CDC42BPA: variants seen among roughly 807,000 people sequenced by gnomAD.
CDC42BPA encodes serine/threonine-protein kinase MRCK alpha.
In CDC42BPA, 80 loss-of-function variants were observed where a neutral mutation model predicts 223.5. That is an observed-to-expected ratio of 0.36 (90% CI 0.30 to 0.43). CDC42BPA has a LOEUF of 0.43. Among genes scored for constraint, CDC42BPA ranks in the 20% least tolerant of loss-of-function variants. CDC42BPA has a pLI of 1.00. For synonymous variants in CDC42BPA, 694 were observed against 718.6 expected (o/e 0.97, Z 0.55); for missense variants, 1,743 against 2,099.9 (o/e 0.83, Z 3.32).
At chr1:227,010,501 T>C (rs549801409) in intron 34 of CDC42BPA, among the ~76,000 whole-genome samples, 4 of 152,358 alleles carry the variant, frequency 2.6e-5, no homozygotes, top group East Asian at 1.9e-4. Context: ...GAACTGGTTA[T>C]AGGGTAAGGA....
chr1:227,213,954 A>C (rs1423120146), intron 2 of CDC42BPA, among the ~76,000 whole-genome samples: 8 of 152,154 alleles, frequency 5.3e-5, no homozygotes, highest in East Asian at 1.9e-4. Context: ...TTACATTTCT[A>C]TCTCTCTGCT....
intron 2 of CDC42BPA, among the ~76,000 whole-genome samples, chr1:227,215,746 A>T (rs1674708079): frequency 6.7e-6 from 1 of 149,108 alleles, no homozygotes; most frequent in Non-Finnish European, 1.5e-5. Context: ...TATAACTCTC[A>T]ATTTCTTCAG....
chr1:227,141,943 C>G (rs921361983), intron 9 of CDC42BPA, among the ~76,000 whole-genome samples: 1 of 151,972 alleles, frequency 6.6e-6, no homozygotes, highest in Non-Finnish European at 1.5e-5. Context: ...CATTCCAGCC[C>G]TTCTGCTGCC....
At chr1:227,310,533 A>T (rs2148815396) in intron 1 of CDC42BPA, among the ~76,000 whole-genome samples, 1 of 152,326 alleles carries the variant, frequency 6.6e-6, no homozygotes, top group Admixed American at 6.5e-5. Context: ...ATAGAAGATT[A>T]GCCATTCCCT....
intron 2 of CDC42BPA, among the ~76,000 whole-genome samples, chr1:227,245,284 C>CTTTTTTTT (rs759666049): frequency 0.011 from 860 of 81,696 alleles, 54 homozygotes; most frequent in East Asian, 0.07. Context: ...TGTCTTGCAT[C>CTTTTTTTT]TTTTTTTTTT....
chr1:227,215,860 C>T (rs1674730400), intron 2 of CDC42BPA, among the ~76,000 whole-genome samples: 1 of 152,040 alleles, frequency 6.6e-6, no homozygotes, highest in South Asian at 2.1e-4. Flanking sequence ...GATAGAAATA[C>T]CCTCAACTGA....
At chr1:227,041,457 A>G (rs1248544523) in intron 23 of CDC42BPA, among the ~76,000 whole-genome samples, 1 of 152,216 alleles carries the variant, frequency 6.6e-6, no homozygotes, top group Middle Eastern at 3.2e-3. Flanking sequence ...AATTATGAAT[A>G]CTGATTTTAA....
chr1:227,046,447 CTT>C (rs1337403233), intron 23 of CDC42BPA, among the ~76,000 whole-genome samples: 1 of 152,120 alleles, frequency 6.6e-6, no homozygotes, highest in Non-Finnish European at 1.5e-5. Context: ...AGTACATGGA[CTT>C]TTGCCAAATC....
intron 16 of CDC42BPA, among the ~76,000 whole-genome samples, chr1:227,091,050 T>C (rs1250491474): frequency 3.9e-5 from 6 of 152,200 alleles, no homozygotes; most frequent in Non-Finnish European, 7.4e-5. Flanking sequence ...CACCTACCCC[T>C]GGTATCATTT....
chr1:227,005,777 T>A (rs1663899329), intron 34 of CDC42BPA, among the ~76,000 whole-genome samples: 1 of 152,204 alleles, frequency 6.6e-6, no homozygotes, highest in African/African-American at 2.4e-5. Context: ...TACATTTACT[T>A]GGAAGATTTA....
intron 1 of CDC42BPA, among the ~76,000 whole-genome samples, chr1:227,273,995 CAAAAAAAAAAA>C (rs10599884): frequency 1.1e-4 from 6 of 57,004 alleles, no homozygotes; most frequent in South Asian, 8.5e-4. Context: ...TCGTATACAC[CAAAAAAAAAAA>C]AAAAAAAAAA....
At chr1:227,017,273 A>C (rs969817052) in intron 32 of CDC42BPA, among the ~76,000 whole-genome samples, 5 of 152,178 alleles carry the variant, frequency 3.3e-5, no homozygotes, top group Non-Finnish European at 5.9e-5. Flanking sequence ...TTTCACTTTT[A>C]CTTGATTATA....
At chr1:227,132,650 G>A (rs1249201148) in intron 10 of CDC42BPA, among the ~76,000 whole-genome samples, 2 of 149,748 alleles carry the variant, frequency 1.3e-5, no homozygotes, top group African/African-American at 2.5e-5. Context: ...AGTGAGGATC[G>A]TCTCTGCCCG....
chr1:227,314,393 C>G (rs1011398929), intron 1 of CDC42BPA, among the ~76,000 whole-genome samples: 2 of 152,052 alleles, frequency 1.3e-5, no homozygotes, highest in Non-Finnish European at 2.9e-5. Context: ...CTCTCTTTCT[C>G]TTTCCACTTA....
At position 227,317,965 on chromosome 1, in the gene CDC42BPA, G is replaced by A. The variant is rs1694663253; in HGVS notation, c.-783C>T. On this transcript the variant is annotated 5_prime_UTR_variant, in exon 1 of 37. Coordinates refer to ENST00000366766, the MANE Select transcript of CDC42BPA (RefSeq NM_001394014.1). ...TAGGGCCTGACCGGCGGCGCGGCCG[G>A]GGGTGGAAGGCGGGCTGCGGGCGGC... 2.5e-6 allele frequency: 1 copy of A among 396,604 alleles called. No individual in the cohort carries two copies. The highest frequency in any genetic ancestry group is 4.4e-6 in the Non-Finnish European group (1 of 224,958). 24.6% of individuals were successfully genotyped at this position (396,604 alleles called of 1,614,324 possible).
chr1:227,082,202 ATTTT>A (rs1166912912), intron 16 of CDC42BPA, among the ~76,000 whole-genome samples: 1 of 151,594 alleles, frequency 6.6e-6, no homozygotes, highest in Non-Finnish European at 1.5e-5. Context: ...CTAATTTTTT[ATTTT>A]TTTATTTTTT....
At chr1:227,029,490 T>G (rs1041769395) in intron 29 of CDC42BPA, among the ~76,000 whole-genome samples, 1 of 152,204 alleles carries the variant, frequency 6.6e-6, no homozygotes, top group African/African-American at 2.4e-5. Context: ...GATTCTTGTG[T>G]AAAAGTATGC....
chr1:227,090,798 G>C (rs749506571), intron 16 of CDC42BPA, among the ~76,000 whole-genome samples: 1 of 152,128 alleles, frequency 6.6e-6, no homozygotes, highest in Non-Finnish European at 1.5e-5. Flanking sequence ...GCGACAGAGC[G>C]AGACTGTATC....
At position 227,104,304 on chromosome 1, in the gene CDC42BPA, GT is replaced by G. The variant is rs1284212756; in HGVS notation, c.2002-3066del. On this transcript the variant is annotated intron_variant, in intron 14 of 36. Coordinates refer to ENST00000366766, the MANE Select transcript of CDC42BPA (RefSeq NM_001394014.1). Reference sequence around the variant, plus strand: ...CTAAGAAAATGATACAGAAAAAGCAGTGCATAAAGGTGTTTTTGGCAATTAT... The same window carrying G: ...CTAAGAAAATGATACAGAAAAAGCAGGCATAAAGGTGTTTTTGGCAATTAT... 2.0e-5 allele frequency among the ~76,000 whole-genome samples: 3 copies of G among 152,098 alleles called. No homozygotes were observed. The East Asian group carries it at 5.8e-4, about 29-fold the overall frequency.
Sources: gnomAD v4.1 joint callset for allele counts (sites outside exome capture counted in the v4.1 genomes callset) on GRCh38, gnomAD v4.1.1 for gene constraint, MANE v1.5 for transcripts, NCBI Gene and HGNC (gene_info 2026-07-23, HGNC 2026-07-21) for gene names.